Variants in PTPRT observed in about 807,000 individuals in gnomAD.
PTPRT encodes protein tyrosine phosphatase receptor type T, also known as receptor-type tyrosine-protein phosphatase T.
A neutral mutation model predicts 176.8 loss-of-function variants in PTPRT; 56 were observed. The observed-to-expected ratio is 0.32, with a 90% CI of 0.26 to 0.40. PTPRT has a LOEUF of 0.40. PTPRT is among the 10% of genes least tolerant of loss of function. PTPRT has a pLI of 1.00. For missense variants in PTPRT, 1,540 were observed against 1,908.2 expected (o/e 0.81, Z 3.60); for synonymous variants, 783 against 739.0 (o/e 1.06, Z -0.96).
At chr20:42,278,074 T>C (rs1355936937) in intron 13 of PTPRT, among the ~76,000 whole-genome samples, 1 of 160 alleles carries the variant, frequency 6.3e-3, no homozygotes, top group Non-Finnish European at 0.021. Flanking sequence ...GTAAGTAGAC[T>C]ATATATATAT....
At chr20:42,338,544 T>C (rs2058071036) in intron 11 of PTPRT, among the ~76,000 whole-genome samples, 1 of 152,178 alleles carries the variant, frequency 6.6e-6, no homozygotes, top group South Asian at 2.1e-4. Context: ...AGGAACAGGG[T>C]GTCCTGGCAG....
At chr20:42,332,210 ATTTTTTTTCT>A (rs778804069) in intron 11 of PTPRT, among the ~76,000 whole-genome samples, 7 of 151,444 alleles carry the variant, frequency 4.6e-5, no homozygotes, top group Non-Finnish European at 8.8e-5. Context: ...AGAAAAAAAC[ATTTTTTTTCT>A]TGTTTTTGAG....
At chr20:43,025,535 C>T (rs117279504) in intron 1 of PTPRT, among the ~76,000 whole-genome samples, 2,683 of 152,310 alleles carry the variant, frequency 0.018, 44 homozygotes, top group Non-Finnish European at 0.027. Context: ...AAGCAGGAAT[C>T]TCCTGGAAAA....
intron 7 of PTPRT, among the ~76,000 whole-genome samples, chr20:42,555,603 C>G (rs934568348): frequency 6.6e-6 from 1 of 152,118 alleles, no homozygotes. Context: ...CCCGGCATCC[C>G]GGACACCGCC....
chr20:43,180,912 G>C (rs561306505), intron 1 of PTPRT, among the ~76,000 whole-genome samples: 4 of 152,122 alleles, frequency 2.6e-5, no homozygotes. Flanking sequence ...GCTGAACCTA[G>C]TGACTTGCTT....
intron 1 of PTPRT, among the ~76,000 whole-genome samples, chr20:42,926,371 C>T (rs1046456836): frequency 2.0e-5 from 3 of 152,362 alleles, no homozygotes; most frequent in Admixed American, 6.5e-5. Context: ...AGCTTCTCCC[C>T]AGCAGGTTTG....
chr20:42,772,315 AC>A (rs2077074396), intron 4 of PTPRT, among the ~76,000 whole-genome samples: 1 of 152,236 alleles, frequency 6.6e-6, no homozygotes, highest in Admixed American at 6.5e-5. Flanking sequence ...GAACTGAGGC[AC>A]AGAGAACTCT....
intron 1 of PTPRT, among the ~76,000 whole-genome samples, chr20:43,155,079 AC>A (rs1416711494): frequency 6.6e-6 from 1 of 152,212 alleles, no homozygotes; most frequent in Admixed American, 6.5e-5. Flanking sequence ...AGAAGATAGA[AC>A]CCTTATACAC....
chr20:42,775,300 T>C (rs1347212860), intron 4 of PTPRT, among the ~76,000 whole-genome samples: 1 of 152,108 alleles, frequency 6.6e-6, no homozygotes, highest in African/African-American at 2.4e-5. Context: ...CAGTGCTCAG[T>C]AGGAAGCCAC....
chr20:42,933,759 A>G (rs1441033662), intron 1 of PTPRT, among the ~76,000 whole-genome samples: 1 of 152,170 alleles, frequency 6.6e-6, no homozygotes, highest in Non-Finnish European at 1.5e-5. Context: ...TTTAAAATGC[A>G]ACTCAGTGGC....
At chr20:43,103,876 A>G (rs2012493201) in intron 1 of PTPRT, among the ~76,000 whole-genome samples, 1 of 152,174 alleles carries the variant, frequency 6.6e-6, no homozygotes, top group Non-Finnish European at 1.5e-5. Context: ...AACTCCTCTT[A>G]GGAAATAACA....
chr20:42,329,080 A>C (rs2057926802), intron 11 of PTPRT, among the ~76,000 whole-genome samples: 1 of 152,144 alleles, frequency 6.6e-6, no homozygotes, highest in Admixed American at 6.6e-5. Flanking sequence ...TGTTAGTAAA[A>C]CAATTTTAAC....
chr20:42,927,200 A>C (rs1011498326), intron 1 of PTPRT, among the ~76,000 whole-genome samples: 1 of 152,206 alleles, frequency 6.6e-6, no homozygotes, highest in Non-Finnish European at 1.5e-5. Flanking sequence ...AGCTGAAGCC[A>C]CTGCCTCATA....
At position 42,162,658 on chromosome 20, in the gene PTPRT, G is replaced by A. The variant is rs149851326; in HGVS notation, c.2492-1116C>T. 4.1e-4 allele frequency among the ~76,000 whole-genome samples: 62 copies of A among 152,346 alleles called. 1 individual carries two copies. The East Asian group carries it at 0.011, about 27-fold the overall frequency. On this transcript the variant is annotated intron_variant, in intron 16 of 30. Transcript: ENST00000373187. ...AGAACTGCCAGCTGCAGCAGTTAATGTGTCTCCCCCAGATGTTTTCAGACC... is the reference window on the plus strand; with the variant it reads ...AGAACTGCCAGCTGCAGCAGTTAATATGTCTCCCCCAGATGTTTTCAGACC...
intron 9 of PTPRT, among the ~76,000 whole-genome samples, chr20:42,430,432 G>C (rs2059205736): frequency 6.6e-6 from 1 of 152,196 alleles, no homozygotes; most frequent in Admixed American, 6.5e-5. Context: ...TGGGGACAGA[G>C]ATAGCACTTT....
intron 7 of PTPRT, among the ~76,000 whole-genome samples, chr20:42,667,800 T>C (rs2146027325): frequency 6.6e-6 from 1 of 152,286 alleles, no homozygotes; most frequent in Middle Eastern, 3.4e-3. Context: ...TTCCTCAGGG[T>C]GCCACTTTGC....
At chr20:42,240,675 TATCCATGCATTCATGCATGC>T (rs1351731425) in intron 14 of PTPRT, among the ~76,000 whole-genome samples, 2 of 150,938 alleles carry the variant, frequency 1.3e-5, no homozygotes, top group Non-Finnish European at 3.0e-5. Flanking sequence ...TCCATGAACC[TATCCATGCATTCATGCATGC>T]ATGCATGCAT....
intron 7 of PTPRT, among the ~76,000 whole-genome samples, chr20:42,574,905 T>C (rs2073228555): frequency 6.6e-6 from 1 of 152,134 alleles, no homozygotes; most frequent in Non-Finnish European, 1.5e-5. Context: ...TCTCCTGCCA[T>C]CCTGCCATCA....
chr20:42,188,193 T>G (rs1240002053), intron 16 of PTPRT, among the ~76,000 whole-genome samples: 1 of 152,080 alleles, frequency 6.6e-6, no homozygotes, highest in Non-Finnish European at 1.5e-5. Context: ...ACCACCTACC[T>G]AGAGTGAGTA....
Sources: allele counts gnomAD v4.1 joint callset (sites outside exome capture counted in the v4.1 genomes callset), GRCh38; gene constraint gnomAD v4.1.1; transcripts MANE v1.5; gene names NCBI Gene and HGNC (gene_info 2026-07-23, HGNC 2026-07-21).